Variants in LCLAT1 observed in about 807,000 individuals in gnomAD.
LCLAT1 encodes lysocardiolipin acyltransferase 1, also known as 1-AGP acyltransferase 8.
Under a neutral mutation model 30.7 loss-of-function variants are expected in LCLAT1, and 11 were observed. That is an observed-to-expected ratio of 0.36 (90% CI 0.23 to 0.59). LCLAT1 has a LOEUF of 0.59. Among genes scored for constraint, LCLAT1 ranks in the 20% least tolerant of loss-of-function variants. The pLI is 0.77. For synonymous variants in LCLAT1, 155 were observed against 151.3 expected (o/e 1.02, Z -0.18); for missense variants, 402 against 458.6 (o/e 0.88, Z 1.13).
At chr2:30,518,333 A>G (rs1396021303) in intron 1 of LCLAT1, among the ~76,000 whole-genome samples, 1 of 152,164 alleles carries the variant, frequency 6.6e-6, no homozygotes, top group Non-Finnish European at 1.5e-5. Flanking sequence ...TGATTGAGGG[A>G]AAAAAACACA....
At chr2:30,582,323 A>G (rs768537124) in intron 5 of LCLAT1, among the ~76,000 whole-genome samples, 1 of 152,282 alleles carries the variant, frequency 6.6e-6, no homozygotes, top group East Asian at 1.9e-4. Flanking sequence ...GTGAACTTCT[A>G]CAGGAATATA....
chr2:30,587,248 C>G (rs1303006240), intron 5 of LCLAT1, among the ~76,000 whole-genome samples: 27 of 152,138 alleles, frequency 1.8e-4, no homozygotes, highest in Admixed American at 1.6e-3. Context: ...TGATAATTTT[C>G]TGAGATTTCA....
chr2:30,484,852 C>T (rs1346332597), intron 1 of LCLAT1, among the ~76,000 whole-genome samples: 1 of 152,088 alleles, frequency 6.6e-6, no homozygotes, highest in Non-Finnish European at 1.5e-5. Flanking sequence ...AATTGAATTT[C>T]AGTGACCTAA....
chr2:30,534,916 A>G (rs1294715402), intron 3 of LCLAT1, among the ~76,000 whole-genome samples: 2 of 152,218 alleles, frequency 1.3e-5, no homozygotes, highest in African/African-American at 4.8e-5. Context: ...GGCACATATT[A>G]CCAGTAGCAA....
chr2:30,591,139 G>A (rs1379214620), intron 5 of LCLAT1, among the ~76,000 whole-genome samples: 4 of 151,154 alleles, frequency 2.6e-5, no homozygotes, highest in Non-Finnish European at 4.4e-5. Context: ...GCAGTTTAGG[G>A]CATTAGAAAA....
At chr2:30,531,158 G>A (rs1287818840) in intron 2 of LCLAT1, among the ~76,000 whole-genome samples, 4 of 152,040 alleles carry the variant, frequency 2.6e-5, no homozygotes, top group Non-Finnish European at 4.4e-5. Context: ...CCAGCTACTC[G>A]GGAGGCTGAG....
At chr2:30,607,880 TGTGTGTGTG>T (rs1158116998) in intron 5 of LCLAT1, 1 of 130,152 alleles carries the variant, frequency 7.7e-6, no homozygotes, top group Non-Finnish European at 1.8e-5. Flanking sequence ...TGTGTGTGTG[TGTGTGTGTG>T]TGTGTGTGTG....
chr2:30,515,394 A>G (rs1685131791), intron 1 of LCLAT1, among the ~76,000 whole-genome samples: 1 of 152,252 alleles, frequency 6.6e-6, no homozygotes, highest in Admixed American at 6.5e-5. Flanking sequence ...TAAAATAACT[A>G]AGGAGATTCT....
chr2:30,534,331 G>A (rs1428177300), intron 3 of LCLAT1, among the ~76,000 whole-genome samples: 1 of 151,498 alleles, frequency 6.6e-6, no homozygotes, highest in Non-Finnish European at 1.5e-5. Context: ...TGCAATCTGG[G>A]CTCACTGCAA....
intron 5 of LCLAT1, among the ~76,000 whole-genome samples, chr2:30,600,602 A>ATGT (rs1365885388): frequency 7.9e-6 from 1 of 126,968 alleles, no homozygotes; most frequent in Non-Finnish European, 1.7e-5. Flanking sequence ...TTCTTTAAGA[A>ATGT]TGTTGAATAC....
chr2:30,633,254 A>G (rs745878452), intron 5 of LCLAT1, among the ~76,000 whole-genome samples: 1 of 152,190 alleles, frequency 6.6e-6, no homozygotes, highest in Non-Finnish European at 1.5e-5. Flanking sequence ...TTTCCTTTCA[A>G]CTCAAATGCA....
chr2:30,549,481 G>A (rs1244088930), intron 3 of LCLAT1, among the ~76,000 whole-genome samples: 1 of 152,172 alleles, frequency 6.6e-6, no homozygotes, highest in African/African-American at 2.4e-5. Flanking sequence ...TCAGTAGAAA[G>A]AAATTCAGAA....
At chr2:30,524,538 G>C (rs1382193251) in intron 1 of LCLAT1, among the ~76,000 whole-genome samples, 3 of 152,114 alleles carry the variant, frequency 2.0e-5, no homozygotes, top group Admixed American at 6.5e-5. Context: ...ACAACTGATG[G>C]GTTTTAAATT....
intron 5 of LCLAT1, among the ~76,000 whole-genome samples, chr2:30,621,376 G>T (rs759529500): frequency 2.0e-5 from 3 of 152,100 alleles, no homozygotes; most frequent in African/African-American, 4.8e-5. Flanking sequence ...TTATAAAAAT[G>T]GAGCCCCTCA....
chr2:30,609,090 T>C (rs556176224), intron 5 of LCLAT1, among the ~76,000 whole-genome samples: 2 of 151,246 alleles, frequency 1.3e-5, no homozygotes, highest in South Asian at 4.2e-4. Flanking sequence ...ATCTATTCAT[T>C]GCCTGTTTAT....
At chr2:30,608,432 G>T (rs1029520308) in intron 5 of LCLAT1, among the ~76,000 whole-genome samples, 3 of 152,056 alleles carry the variant, frequency 2.0e-5, no homozygotes, top group East Asian at 3.9e-4. Context: ...GTCTACAGTA[G>T]TGTACAGTGG....
At chr2:30,495,045 G>A (rs958843474) in intron 1 of LCLAT1, among the ~76,000 whole-genome samples, 1 of 150,258 alleles carries the variant, frequency 6.7e-6, no homozygotes, top group Non-Finnish European at 1.5e-5. Context: ...ACTTGTGTTT[G>A]TCAGTTCCTA....
chr2:30,492,330 C>G (rs1683877072), intron 1 of LCLAT1, among the ~76,000 whole-genome samples: 1 of 152,062 alleles, frequency 6.6e-6, no homozygotes, highest in African/African-American at 2.4e-5. Flanking sequence ...GAGAACTGAG[C>G]TGGACTTGTA....
chr2:30,511,019 C>T (rs1476573394), intron 1 of LCLAT1, among the ~76,000 whole-genome samples: 1 of 151,988 alleles, frequency 6.6e-6, no homozygotes, highest in Non-Finnish European at 1.5e-5. Flanking sequence ...TAGTTTATTT[C>T]CTTCAAGTAT....
Sources: gnomAD v4.1 joint callset for allele counts (sites outside exome capture counted in the v4.1 genomes callset) on GRCh38, gnomAD v4.1.1 for gene constraint, MANE v1.5 for transcripts, NCBI Gene and HGNC (gene_info 2026-07-23, HGNC 2026-07-21) for gene names.